Variants in IARS1 observed in about 807,000 individuals in gnomAD.
IARS1 encodes the protein isoleucine--tRNA ligase, cytoplasmic.
Under a neutral mutation model 168.2 loss-of-function variants are expected in IARS1, and 124 were observed. The ratio of observed to expected loss-of-function variants is 0.74; its 90% CI spans 0.64 to 0.86. The LOEUF (loss-of-function observed/expected upper bound fraction) is 0.86. Among genes scored for constraint, IARS1 ranks in the 40% least tolerant of loss-of-function variants. The pLI, the probability that IARS1 is intolerant of heterozygous loss-of-function variation, is 0.00. For missense variants in IARS1, 1,452 were observed against 1,515.8 expected (o/e 0.96, Z 0.70); for synonymous variants, 532 against 529.4 (o/e 1.00, Z -0.07).
At chr9:92,238,671 T>G (rs1389935437) in intron 30 of IARS1, among the ~76,000 whole-genome samples, 1 of 152,196 alleles carries the variant, frequency 6.6e-6, no homozygotes, top group East Asian at 1.9e-4. Context: ...TAAAACATAT[T>G]TTAGAGTTCC....
intron 33 of IARS1, among the ~76,000 whole-genome samples, chr9:92,220,382 C>T (rs1161758992): frequency 6.7e-6 from 1 of 150,352 alleles, no homozygotes; most frequent in Non-Finnish European, 1.5e-5. Context: ...CTAACCTGCA[C>T]AATGTGCACA....
chr9:92,242,445 A>T, intron 28 of IARS1, 115 bp from the exon 29 acceptor site: 10 of 751,324 alleles, frequency 1.3e-5, no homozygotes, highest in Non-Finnish European at 2.1e-5. Flanking sequence ...ACAGAAGGGC[A>T]GTCACCCTTC....
chr9:92,289,876 T>C (rs1019385127), intron 1 of IARS1, among the ~76,000 whole-genome samples: 3 of 152,260 alleles, frequency 2.0e-5, no homozygotes, highest in Non-Finnish European at 4.4e-5. Flanking sequence ...TGATGTAATA[T>C]GTATTCATAC....
At chr9:92,217,178 G>A (rs1838856978) in intron 33 of IARS1, among the ~76,000 whole-genome samples, 1 of 151,900 alleles carries the variant, frequency 6.6e-6, no homozygotes, top group Non-Finnish European at 1.5e-5. Context: ...TGACTAATGG[G>A]TACATAACAA....
At chr9:92,216,580 C>T (rs1239976080) in intron 33 of IARS1, among the ~76,000 whole-genome samples, 1 of 130,454 alleles carries the variant, frequency 7.7e-6, no homozygotes, top group African/African-American at 2.9e-5. Context: ...GGAGGAAGAT[C>T]TACCAAGCAA....
intron 20 of IARS1, 67 bp downstream of exon 20, chr9:92,256,613 A>G (rs1564174403): frequency 8.4e-6 from 12 of 1,425,762 alleles, no homozygotes; most frequent in Middle Eastern, 1.8e-4. Flanking sequence ...CCACTATTAA[A>G]TATCAAAAGG....
chr9:92,213,450 G>A (rs951485390), intron 33 of IARS1, among the ~76,000 whole-genome samples: 1 of 152,216 alleles, frequency 6.6e-6, no homozygotes, highest in Admixed American at 6.5e-5. Context: ...AGCTGTGAAT[G>A]TTCACTTTAT....
chr9:92,268,295 G>C lies in IARS1; in HGVS notation c.1310C>G (p.Pro437Arg). The change falls in exon 14 of 34, where the codon CCA becomes CGA. Residue 437 changes from proline (P) to arginine (R), a missense_variant. Coordinates refer to ENST00000443024, the MANE Select transcript of IARS1 (RefSeq NM_002161.6). ...AAATCGTTTTTCTCGTACCAACTCT[G>C]GGACCCTGCAATAAACAGATCACAT... ...LRNNDLCYWV[P>R]ELVREKRFGN... is the part of the protein sequence containing the mutation. The C allele has an allele frequency of 6.2e-7, 1 of 1,608,938 alleles. No individual in the cohort carries two copies. Among genetic ancestry groups the C allele is most frequent in the South Asian group, 1.1e-5 (1 of 89,738 alleles).
chr9:92,218,206 CT>C (rs1839067147), intron 33 of IARS1, among the ~76,000 whole-genome samples: 1 of 146,546 alleles, frequency 6.8e-6, no homozygotes, highest in South Asian at 2.2e-4. Context: ...CAGAAAAAGC[CT>C]TTGACAAAAT....
At chr9:92,262,843 T>A (rs1831716047) in intron 17 of IARS1, 126 bp downstream of exon 17, 2 of 694,312 alleles carry the variant, frequency 2.9e-6, no homozygotes, top group Non-Finnish European at 5.2e-6. Context: ...CACACACTCC[T>A]TCTTGAGAAA....
intron 32 of IARS1, among the ~76,000 whole-genome samples, chr9:92,223,139 T>C (rs1839899371): frequency 6.6e-6 from 1 of 152,200 alleles, no homozygotes; most frequent in Admixed American, 6.5e-5. Flanking sequence ...ACCTAACCAA[T>C]TTTTTCATTT....
chr9:92,286,253 G>A, intron 5 of IARS1: 1 of 308,660 alleles, frequency 3.2e-6, no homozygotes, highest in East Asian at 6.4e-5. Flanking sequence ...TGTAATCCCA[G>A]CTACTTGGGA....
intron 17 of IARS1, among the ~76,000 whole-genome samples, chr9:92,260,610 G>A (rs966924496): frequency 7.9e-5 from 12 of 152,062 alleles, no homozygotes; most frequent in Non-Finnish European, 1.0e-4. Context: ...AGCCAAGATC[G>A]CGCCACTACA....
chr9:92,282,499 G>A lies in IARS1; in HGVS notation c.598-1606C>T, dbSNP rs576816504. On this transcript the variant is annotated intron_variant, in intron 6 of 33. Transcript: ENST00000443024. ...GTAAAAAATTAAAATTTTTTAGCAC[G>A]GTGGCTCATGCCTATAATCCTGGCA... 1.7e-4 allele frequency among the ~76,000 whole-genome samples: 26 copies of A among 152,036 alleles called. No homozygotes were observed. In the South Asian group the frequency reaches 5.0e-3, roughly 29 times the overall value.
chr9:92,251,987 G>T, intron 21 of IARS1, 102 bp from the exon 22 acceptor site: 3 of 823,218 alleles, frequency 3.6e-6, no homozygotes, highest in South Asian at 1.5e-5. Flanking sequence ...AGAACATGCA[G>T]CATACAGACA....
At chr9:92,250,540 G>A (rs1422003780) in intron 23 of IARS1, among the ~76,000 whole-genome samples, 173 bp downstream of exon 23, 1 of 152,166 alleles carries the variant, frequency 6.6e-6, no homozygotes, top group Admixed American at 6.5e-5. Context: ...AAGCATCCTT[G>A]CTACCGTGTA....
At chr9:92,273,069 T>C (rs1297970789) in intron 10 of IARS1, among the ~76,000 whole-genome samples, 3 of 150,202 alleles carry the variant, frequency 2.0e-5, no homozygotes, top group Non-Finnish European at 3.0e-5. Flanking sequence ...GAGACGGAGA[T>C]TGCAGTGAGC....
At chr9:92,278,129 T>C in intron 8 of IARS1, 70 bp downstream of exon 8, 1 of 1,182,678 alleles carries the variant, frequency 8.5e-7, no homozygotes, top group Non-Finnish European at 1.3e-6. Flanking sequence ...AAAGTTTATT[T>C]CTTTTTAAAA....
At chr9:92,265,359 G>T in intron 15 of IARS1, 121 bp downstream of exon 15, 1 of 957,668 alleles carries the variant, frequency 1.0e-6, no homozygotes, top group Non-Finnish European at 1.6e-6. Context: ...TATGACATGA[G>T]TCATCAGCAA....
Sources: allele counts gnomAD v4.1 joint callset (sites outside exome capture counted in the v4.1 genomes callset), GRCh38; gene constraint gnomAD v4.1.1; transcripts MANE v1.5; gene names NCBI Gene and HGNC (gene_info 2026-07-23, HGNC 2026-07-21).